EXOC4: variants seen among roughly 807,000 people sequenced by gnomAD.
The protein encoded by EXOC4 is SEC8-like 1.
EXOC4 carries 71 observed loss-of-function variants against 107.2 expected under a neutral mutation model. The ratio of observed to expected loss-of-function variants is 0.66; its 90% CI spans 0.55 to 0.81. The LOEUF is 0.81. Among genes scored for constraint, EXOC4 ranks in the 30% least tolerant of loss-of-function variants. The probability of loss-of-function intolerance (pLI) is 0.00; values close to 1 mark genes in which losing one functional copy is unlikely to be tolerated. For synonymous variants in EXOC4, 456 were observed against 441.2 expected, an observed-to-expected ratio of 1.03 and a Z score of -0.42; for missense variants, 1,108 against 1,189.6, an observed-to-expected ratio of 0.93 and a Z score of 1.01.
chr7:133,468,228 A>T (rs1375770201), intron 7 of EXOC4, among the ~76,000 whole-genome samples: 3 of 152,212 alleles, frequency 2.0e-5, no homozygotes, highest in African/African-American at 7.2e-5. Flanking sequence ...ATAATGAACC[A>T]TTCACAAGAC....
At chr7:133,951,212 A>C (rs571562448) in intron 14 of EXOC4, among the ~76,000 whole-genome samples, 131 of 152,300 alleles carry the variant, frequency 8.6e-4, no homozygotes, top group African/African-American at 3.1e-3. Flanking sequence ...TACCAAGGCA[A>C]CCTCAACATC....
chr7:133,471,408 A>G (rs7804681), intron 7 of EXOC4, among the ~76,000 whole-genome samples: 149,694 of 150,440 alleles, frequency 1, 74,483 homozygotes, highest in Non-Finnish European at 1. Context: ...GCAAGACTTC[A>G]TCTCAAAAAA....
chr7:133,792,083 G>C (rs1302305048), intron 10 of EXOC4, among the ~76,000 whole-genome samples: 1 of 152,038 alleles, frequency 6.6e-6, no homozygotes, highest in Non-Finnish European at 1.5e-5. Flanking sequence ...TGTATGCCCA[G>C]ACCCAGCAGT....
chr7:133,683,798 TG>T (rs1248816915), intron 10 of EXOC4, among the ~76,000 whole-genome samples: 1 of 152,034 alleles, frequency 6.6e-6, no homozygotes, highest in African/African-American at 2.4e-5. Flanking sequence ...ACTTTTAACA[TG>T]GGGAAAAACA....
At chr7:133,893,497 A>G (rs1799236047) in intron 11 of EXOC4, among the ~76,000 whole-genome samples, 2 of 56,028 alleles carry the variant, frequency 3.6e-5, no homozygotes, top group Admixed American at 2.7e-4. Flanking sequence ...TTTGCTCGTT[A>G]GTTGATGCAG....
At chr7:133,334,335 C>T (rs1020937317) in intron 5 of EXOC4, among the ~76,000 whole-genome samples, 1 of 152,118 alleles carries the variant, frequency 6.6e-6, no homozygotes, top group African/African-American at 2.4e-5. Flanking sequence ...TTTGCAAAAG[C>T]AAGGAGTTAA....
At chr7:133,840,077 G>A (rs556881852) in intron 11 of EXOC4, among the ~76,000 whole-genome samples, 1 of 152,320 alleles carries the variant, frequency 6.6e-6, no homozygotes, top group East Asian at 1.9e-4. Context: ...AGAAGATGAT[G>A]CTTAAGCTGA....
intron 9 of EXOC4, among the ~76,000 whole-genome samples, chr7:133,503,182 T>A (rs970466679): frequency 2.6e-5 from 4 of 152,200 alleles, no homozygotes; most frequent in Admixed American, 1.3e-4. Flanking sequence ...AATTGGTTGA[T>A]AGTCTTGTGT....
At chr7:133,551,637 A>G (rs1444356548) in intron 9 of EXOC4, 1 of 152,114 alleles carries the variant, frequency 6.6e-6, no homozygotes, top group Non-Finnish European at 1.5e-5. Context: ...AAATTCCAGG[A>G]TTCTGTCACA....
At chr7:134,034,640 G>T (rs2116493528) in intron 17 of EXOC4, among the ~76,000 whole-genome samples, 1 of 152,292 alleles carries the variant, frequency 6.6e-6, no homozygotes, top group Admixed American at 6.5e-5. Context: ...TTTCTGCCAT[G>T]ATTGTAAGTT....
intron 12 of EXOC4, among the ~76,000 whole-genome samples, chr7:133,914,902 C>A (rs1799771526): frequency 6.6e-6 from 1 of 152,098 alleles, no homozygotes; most frequent in Non-Finnish European, 1.5e-5. Flanking sequence ...AATATAAAGC[C>A]ACTTCATAGA....
chr7:133,585,696 A>G (rs978666460), intron 9 of EXOC4, among the ~76,000 whole-genome samples: 2 of 152,026 alleles, frequency 1.3e-5, no homozygotes, highest in Admixed American at 1.3e-4. Context: ...TAAGAAATAC[A>G]TACTTTTCTT....
At chr7:133,841,444 G>A (rs1461698033) in intron 11 of EXOC4, among the ~76,000 whole-genome samples, 2 of 152,186 alleles carry the variant, frequency 1.3e-5, no homozygotes, top group Admixed American at 1.3e-4. Flanking sequence ...TGACTAGGAA[G>A]ATGGCATGTG....
At chr7:133,782,238 G>C (rs1426718401) in intron 10 of EXOC4, among the ~76,000 whole-genome samples, 1 of 152,146 alleles carries the variant, frequency 6.6e-6, no homozygotes, top group Non-Finnish European at 1.5e-5. Flanking sequence ...ATATCCATAG[G>C]TTTACTAAAA....
At chr7:133,843,418 T>C (rs1219955493) in intron 11 of EXOC4, among the ~76,000 whole-genome samples, 1 of 152,216 alleles carries the variant, frequency 6.6e-6, no homozygotes, top group Non-Finnish European at 1.5e-5. Flanking sequence ...TATTGTATTC[T>C]TTTTGTGGCT....
chr7:133,465,700 C>T (rs959824450), intron 7 of EXOC4, among the ~76,000 whole-genome samples: 15 of 151,964 alleles, frequency 9.9e-5, no homozygotes, highest in South Asian at 2.1e-4. Context: ...ATCCTCTGAC[C>T]GCAACAGAAT....
chr7:133,947,106 C>T (rs745507586), intron 14 of EXOC4, among the ~76,000 whole-genome samples: 1 of 152,156 alleles, frequency 6.6e-6, no homozygotes, highest in Non-Finnish European at 1.5e-5. Context: ...CTAAATAGGT[C>T]TTCTCACCTG....
At chr7:133,901,493 C>G (rs1266578678) in intron 12 of EXOC4, among the ~76,000 whole-genome samples, 1 of 152,154 alleles carries the variant, frequency 6.6e-6, no homozygotes, top group Non-Finnish European at 1.5e-5. Context: ...TAAATGCCAG[C>G]TTTTCTACCT....
chr7:133,880,286 A>T (rs148537996), intron 11 of EXOC4, among the ~76,000 whole-genome samples: 4 of 152,330 alleles, frequency 2.6e-5, no homozygotes, highest in African/African-American at 9.6e-5. Context: ...TACCAAGAAC[A>T]TTGCTAGGCC....
Sources: gnomAD v4.1 joint callset for allele counts (sites outside exome capture counted in the v4.1 genomes callset) on GRCh38, gnomAD v4.1.1 for gene constraint, MANE v1.5 for transcripts, NCBI Gene and HGNC (gene_info 2026-07-23, HGNC 2026-07-21) for gene names.